KLHL29: variants seen among roughly 807,000 people sequenced by gnomAD.
KLHL29 encodes kelch like family member 29.
KLHL29 carries 21 observed loss-of-function variants against 80.4 expected under a neutral mutation model. The observed-to-expected ratio is 0.26, with a 90% confidence interval of 0.19 to 0.38. The LOEUF (loss-of-function observed/expected upper bound fraction) is 0.38. Ranked by LOEUF, KLHL29 falls within the 10% of genes least tolerant of loss-of-function variation. The probability of loss-of-function intolerance (pLI) is 1.00; values close to 1 mark genes in which losing one functional copy is unlikely to be tolerated. For missense variants in KLHL29, 867 were observed against 1,223.9 expected (o/e 0.71, Z 4.35); for synonymous variants, 511 against 526.8 (o/e 0.97, Z 0.41).
At chr2:23,601,164 A>C (rs13027532) in intron 3 of KLHL29, among the ~76,000 whole-genome samples, 54,611 of 151,926 alleles carry the variant, frequency 0.36, 11,901 homozygotes, top group Non-Finnish European at 0.48. Flanking sequence ...ACTCCTGAAC[A>C]CTCACGCTCC....
At chr2:23,638,680 C>T (rs1204596421) in intron 3 of KLHL29, among the ~76,000 whole-genome samples, 5 of 152,230 alleles carry the variant, frequency 3.3e-5, no homozygotes, top group African/African-American at 1.2e-4. Context: ...GCTGTCCTCT[C>T]CCATGTCCAA....
In KLHL29 at chr2:23,668,407, G is replaced by A. The variant is rs111639689; in HGVS notation, c.941-15992G>A. The A allele has an allele frequency of 9.6e-3, 1,470 of 152,376 alleles. 32 individuals carry two copies. Among genetic ancestry groups the A allele is most frequent in the Non-Finnish European group, 0.011 (777 of 68,082 alleles). The allele number at this position is 152,376 out of a possible 1,614,324, so 9.4% of individuals were successfully genotyped here. A position where few individuals can be genotyped will look rare whatever the true frequency, so the allele number is the denominator to read the frequency against. Reference sequence around the variant, plus strand: ...GAGAGCTTTTCGGAGTGGGGAGCAAGTCCATGACTGCCCCCACCCCAGCAC... The same window carrying A: ...GAGAGCTTTTCGGAGTGGGGAGCAAATCCATGACTGCCCCCACCCCAGCAC... On this transcript the variant is annotated intron_variant, in intron 5 of 13. Transcript: ENST00000486442.
intron 1 of KLHL29, among the ~76,000 whole-genome samples, chr2:23,425,600 G>A (rs1202141424): frequency 2.0e-5 from 3 of 152,192 alleles, no homozygotes; most frequent in African/African-American, 4.8e-5. Context: ...GTGGGGATAG[G>A]GAGTGAGCTG....
At chr2:23,622,005 T>C (rs959050197) in intron 3 of KLHL29, among the ~76,000 whole-genome samples, 3 of 152,214 alleles carry the variant, frequency 2.0e-5, no homozygotes, top group Non-Finnish European at 4.4e-5. Flanking sequence ...AGGTGCACAG[T>C]GGCCCCCACA....
intron 1 of KLHL29, among the ~76,000 whole-genome samples, chr2:23,431,744 A>G: frequency 6.6e-6 from 1 of 152,030 alleles, no homozygotes; most frequent in Admixed American, 6.5e-5. Context: ...GTACAAAAAA[A>G]TTAGCTGGGC....
chr2:23,653,945 T>C (rs976927137), intron 5 of KLHL29, among the ~76,000 whole-genome samples: 1 of 152,116 alleles, frequency 6.6e-6, no homozygotes, highest in Non-Finnish European at 1.5e-5. Flanking sequence ...GGCGGGTAGA[T>C]CACCTGAGGT....
intron 2 of KLHL29, among the ~76,000 whole-genome samples, chr2:23,490,830 G>T (rs545631709): frequency 3.2e-4 from 49 of 152,322 alleles, no homozygotes; most frequent in South Asian, 3.1e-3. Flanking sequence ...TAGGTCACAG[G>T]GATCTCTGGA....
At chr2:23,558,631 T>G (rs1413659527) in intron 2 of KLHL29, among the ~76,000 whole-genome samples, 2 of 152,216 alleles carry the variant, frequency 1.3e-5, no homozygotes, top group Non-Finnish European at 2.9e-5. Flanking sequence ...CTTGAACTCC[T>G]GGCCTCAAGT....
At chr2:23,644,690 G>A (rs891505040) in intron 5 of KLHL29, among the ~76,000 whole-genome samples, 2 of 152,250 alleles carry the variant, frequency 1.3e-5, no homozygotes, top group Non-Finnish European at 2.9e-5. Flanking sequence ...CCATTGCAGA[G>A]CTGTTCCTGT....
intron 1 of KLHL29, among the ~76,000 whole-genome samples, chr2:23,419,212 A>T (rs950850509): frequency 6.6e-6 from 1 of 152,250 alleles, no homozygotes; most frequent in African/African-American, 2.4e-5. Context: ...TTTGTGACTT[A>T]TAATTTTGAA....
chr2:23,530,733 C>T (rs917978479), intron 2 of KLHL29, among the ~76,000 whole-genome samples: 3 of 152,168 alleles, frequency 2.0e-5, no homozygotes, highest in Non-Finnish European at 4.4e-5. Context: ...CAGCCCATCC[C>T]CTGCCCCCGC....
chr2:23,388,495 C>T lies in KLHL29; in HGVS notation c.-154+2715C>T, dbSNP rs150841260. ...GATTGAGTGTCACCGTTGTTATCAA[C>T]ACCTGTCAGTTTAAGTGAGGCACAT... On this transcript the variant is annotated intron_variant, in intron 1 of 13. Transcript: ENST00000486442. Among the ~76,000 whole-genome samples, 19 of 152,156 alleles carry T rather than the reference C, an allele frequency of 1.2e-4. No homozygotes were observed. The East Asian group carries it at 3.7e-3, about 29-fold the overall frequency.
At position 23,466,250 on chromosome 2, in the gene KLHL29, CAGAG is replaced by C. The variant is rs368443629; in HGVS notation, c.-153-9306_-153-9303del. ...TAATCTTTGCCATGCAGGCTCGTGA[CAGAG>C]AGAACCACATCAACTTCTAAATTTT... On this transcript the variant is annotated intron_variant, in intron 1 of 13. Transcript: ENST00000486442. Among the ~76,000 whole-genome samples the C allele has an allele frequency of 2.4e-3, 373 of 152,250 alleles. 4 individuals carry two copies. Among genetic ancestry groups the C allele is most frequent in the African/African-American group, 4.4e-3 (181 of 41,532 alleles).
At chr2:23,634,100 C>T (rs571515069) in intron 3 of KLHL29, among the ~76,000 whole-genome samples, 1 of 152,192 alleles carries the variant, frequency 6.6e-6, no homozygotes, top group Non-Finnish European at 1.5e-5. Context: ...TCCTCCAGGG[C>T]AGGACCTTGC....
intron 7 of KLHL29, among the ~76,000 whole-genome samples, chr2:23,692,485 G>A (rs1671679580): frequency 6.6e-6 from 1 of 152,230 alleles, no homozygotes. Flanking sequence ...AGAAGCAGTG[G>A]CCTGGGGTGT....
At chr2:23,690,385 T>A (rs1671511627) in intron 6 of KLHL29, 1 of 152,146 alleles carries the variant, frequency 6.6e-6, no homozygotes, top group Non-Finnish European at 1.5e-5. Flanking sequence ...TGCCCCCAGC[T>A]CCCTGCCCCC....
intron 5 of KLHL29, among the ~76,000 whole-genome samples, chr2:23,677,677 G>A (rs150056790): frequency 4.6e-5 from 7 of 152,318 alleles, no homozygotes; most frequent in Admixed American, 6.5e-5. Flanking sequence ...GCAACATTCC[G>A]CTTGGGAGGC....
chr2:23,519,212 G>A (rs1315562571), intron 2 of KLHL29, among the ~76,000 whole-genome samples: 1 of 152,202 alleles, frequency 6.6e-6, no homozygotes, highest in African/African-American at 2.4e-5. Context: ...CCCTCCGCTA[G>A]TCAGTCTTGG....
In KLHL29 at chr2:23,695,715, A is replaced by C. The variant is rs1473593955; in HGVS notation, c.1635A>C (p.Ser545=). The C allele has an allele frequency of 8.4e-6, 13 of 1,551,506 alleles. No homozygotes were observed. The highest frequency in any genetic ancestry group is 2.0e-5 in the Admixed American group (1 of 50,988). Residue 545 remains serine (S), a synonymous_variant, in exon 9 of 14, where the codon TCA becomes TCC. Coordinates refer to ENST00000486442, the MANE Select transcript of KLHL29 (RefSeq NM_052920.2). This position sits in a 1 kb window ranked among gnomAD's most constrained non-coding sequence, Gnocchi z 7.6. ...TTGACAATGAAGAGCTGATCAAGTC[A>C]TCAGAAGCCTGCCGGGACCTGGTGA... The part of the protein sequence containing the change: ...NVVDNEELIK[S]SEACRDLVNE...
Sources: allele counts gnomAD v4.1 joint callset (sites outside exome capture counted in the v4.1 genomes callset), GRCh38; gene constraint gnomAD v4.1.1; non-coding constraint Gnocchi (gnomAD v3.1); transcripts MANE v1.5; gene names NCBI Gene and HGNC (gene_info 2026-07-23, HGNC 2026-07-21).